SCHIP1: variants seen among roughly 807,000 people sequenced by gnomAD.
SCHIP1 encodes schwannomin-interacting protein 1.
In SCHIP1, 8 loss-of-function variants were observed where a neutral mutation model predicts 29.7. The ratio of observed to expected loss-of-function variants is 0.27; its 90% confidence interval spans 0.16 to 0.49. SCHIP1 has a LOEUF of 0.49. Ranked by LOEUF, SCHIP1 falls within the 20% of genes least tolerant of loss-of-function variation. The probability of loss-of-function intolerance (pLI) is 0.99; values close to 1 mark genes in which losing one functional copy is unlikely to be tolerated. For missense variants in SCHIP1, 193 were observed against 294.6 expected, an observed-to-expected ratio of 0.66 and a Z score of 2.52; for synonymous variants, 76 against 94.9, an observed-to-expected ratio of 0.80 and a Z score of 1.16.
the SCHIP1 span, among the ~76,000 whole-genome samples, chr3:159,410,263 A>G: frequency 2.0e-5 from 3 of 152,146 alleles, no homozygotes; most frequent in Non-Finnish European, 4.4e-5. Context: ...CAACCAAAGC[A>G]AAAATGGACA....
the SCHIP1 span, among the ~76,000 whole-genome samples, chr3:159,369,515 G>A: frequency 2.0e-5 from 3 of 152,026 alleles, no homozygotes; most frequent in Non-Finnish European, 1.5e-5. Flanking sequence ...CTCAATTTGG[G>A]GGGGGAATAA....
At chr3:159,655,363 T>C in the SCHIP1 span, among the ~76,000 whole-genome samples, 1 of 152,042 alleles carries the variant, frequency 6.6e-6, no homozygotes, top group Non-Finnish European at 1.5e-5. Context: ...CATGCGACAA[T>C]GGTAGCAGTA....
intron 1 of SCHIP1, among the ~76,000 whole-genome samples, chr3:159,843,681 G>A (rs932895185): frequency 1.3e-5 from 2 of 151,966 alleles, no homozygotes; most frequent in Non-Finnish European, 2.9e-5. Flanking sequence ...AAATCAGCCG[G>A]CCAAGGTGGC....
the SCHIP1 span, among the ~76,000 whole-genome samples, chr3:159,698,757 G>T: frequency 6.6e-6 from 1 of 152,060 alleles, no homozygotes; most frequent in Non-Finnish European, 1.5e-5. Flanking sequence ...TCGTGCTTCA[G>T]TCTCCCGAGT....
the SCHIP1 span, among the ~76,000 whole-genome samples, chr3:159,686,417 T>C: frequency 2.6e-5 from 4 of 152,288 alleles, no homozygotes; most frequent in African/African-American, 9.6e-5. Flanking sequence ...CTCAGAAATA[T>C]GTTTTCAAGT....
At chr3:159,674,370 A>G in the SCHIP1 span, among the ~76,000 whole-genome samples, 2 of 152,132 alleles carry the variant, frequency 1.3e-5, no homozygotes, top group East Asian at 3.9e-4. Flanking sequence ...TGGCCCAGTT[A>G]CAGAAAGTGC....
chr3:159,618,875 G>A, the SCHIP1 span, among the ~76,000 whole-genome samples: 17 of 152,210 alleles, frequency 1.1e-4, no homozygotes, highest in South Asian at 6.2e-4. Context: ...ATTGCATCCC[G>A]GAAGCCACAT....
chr3:159,291,354 A>G, the SCHIP1 span, among the ~76,000 whole-genome samples: 3 of 152,160 alleles, frequency 2.0e-5, no homozygotes, highest in African/African-American at 7.2e-5. Flanking sequence ...TTAATATGAA[A>G]AAATTAAGCA....
the SCHIP1 span, among the ~76,000 whole-genome samples, chr3:159,532,504 G>C: frequency 6.6e-6 from 1 of 152,020 alleles, no homozygotes; most frequent in African/African-American, 2.4e-5. Context: ...AGCATATTTA[G>C]TATTCAAAAA....
chr3:159,454,576 AG>A, the SCHIP1 span, among the ~76,000 whole-genome samples: 1 of 152,220 alleles, frequency 6.6e-6, no homozygotes, highest in Non-Finnish European at 1.5e-5. Flanking sequence ...GGGTTTGGGA[AG>A]GGGGCATGGT....
At chr3:159,397,924 C>T in the SCHIP1 span, among the ~76,000 whole-genome samples, 2 of 152,224 alleles carry the variant, frequency 1.3e-5, no homozygotes, top group Admixed American at 6.5e-5. Context: ...CTCCCCCAGC[C>T]TCGCTGCCAC....
chr3:159,844,064 T>C (rs575239481), intron 1 of SCHIP1, among the ~76,000 whole-genome samples: 1 of 152,166 alleles, frequency 6.6e-6, no homozygotes, highest in Non-Finnish European at 1.5e-5. Flanking sequence ...AGGCTGCCTT[T>C]CTGCATAAAC....
chr3:159,376,440 C>T, the SCHIP1 span, among the ~76,000 whole-genome samples: 1 of 152,126 alleles, frequency 6.6e-6, no homozygotes, highest in Non-Finnish European at 1.5e-5. Flanking sequence ...CTGCCTCCCC[C>T]CAAAAACTTC....
chr3:159,511,848 A>G, the SCHIP1 span, among the ~76,000 whole-genome samples: 1 of 152,244 alleles, frequency 6.6e-6, no homozygotes. Context: ...AATCAATTAT[A>G]CATGAATTAA....
chr3:159,632,179 T>C, the SCHIP1 span, among the ~76,000 whole-genome samples: 1 of 152,296 alleles, frequency 6.6e-6, no homozygotes, highest in East Asian at 1.9e-4. Context: ...CTATGTGTCG[T>C]CTTGCCCTAG....
chr3:159,843,232 C>T lies in SCHIP1; in HGVS notation c.30+3018C>T, dbSNP rs149977737. Reference sequence around the variant, plus strand: ...TTCACCATGTTGGCCAAGCTGGTCTCGAACACCTGACCTCAGGTGATCTGC... The same window carrying T: ...TTCACCATGTTGGCCAAGCTGGTCTTGAACACCTGACCTCAGGTGATCTGC... On this transcript the variant is annotated intron_variant, in intron 1 of 6. Coordinates refer to ENST00000445224, the Ensembl canonical transcript of SCHIP1. Among the ~76,000 whole-genome samples the T allele has an allele frequency of 9.8e-4, 148 of 151,632 alleles. 3 individuals carry two copies. The highest frequency in any genetic ancestry group is 3.4e-3 in the African/African-American group (142 of 41,396).
At chr3:159,773,186 TTGATGCTCCC>T in the SCHIP1 span, among the ~76,000 whole-genome samples, 4 of 152,238 alleles carry the variant, frequency 2.6e-5, no homozygotes, top group Non-Finnish European at 1.5e-5. Context: ...CCTTAGTTGC[TTGATGCTCCC>T]TGTGCTCTCA....
At chr3:159,791,251 A>G in the SCHIP1 span, among the ~76,000 whole-genome samples, 1 of 152,218 alleles carries the variant, frequency 6.6e-6, no homozygotes, top group African/African-American at 2.4e-5. Context: ...AATAGAAACC[A>G]TTCTAAGAAT....
chr3:159,492,381 A>G, the SCHIP1 span, among the ~76,000 whole-genome samples: 1 of 152,236 alleles, frequency 6.6e-6, no homozygotes. Context: ...GGTAATTAGA[A>G]TAACCAATGC....
Sources: gnomAD v4.1 joint callset for allele counts (sites outside exome capture counted in the v4.1 genomes callset) on GRCh38, gnomAD v4.1.1 for gene constraint, MANE v1.5 for transcripts, NCBI Gene and HGNC (gene_info 2026-07-23, HGNC 2026-07-21) for gene names.